The following CNTNAP2 variants were observed in gnomAD, a reference collection of about 807,000 sequenced individuals.
The protein encoded by CNTNAP2 is contactin associated protein 2.
A neutral mutation model predicts 155.2 loss-of-function variants in CNTNAP2; 98 were observed. The ratio of observed to expected loss-of-function variants is 0.63; its 90% CI spans 0.54 to 0.75. The LOEUF (loss-of-function observed/expected upper bound fraction) is 0.75, where lower values mean the gene tolerates loss of function less well. Among genes scored for constraint, CNTNAP2 ranks in the 30% least tolerant of loss-of-function variants. The probability of loss-of-function intolerance (pLI) is 0.00; values close to 1 mark genes in which losing one functional copy is unlikely to be tolerated. For missense variants in CNTNAP2, 1,727 were observed against 1,688.1 expected, an observed-to-expected ratio of 1.02 and a Z score of -0.40; for synonymous variants, 651 against 631.2, an observed-to-expected ratio of 1.03 and a Z score of -0.47.
chr7:146,128,320 A>G (rs1054140707), intron 1 of CNTNAP2, among the ~76,000 whole-genome samples: 1 of 152,196 alleles, frequency 6.6e-6, no homozygotes, highest in African/African-American at 2.4e-5. Context: ...TGTAATATTC[A>G]AAGTATAAGG....
chr7:147,061,896 A>T (rs1017893455), intron 4 of CNTNAP2, among the ~76,000 whole-genome samples: 1 of 152,040 alleles, frequency 6.6e-6, no homozygotes, highest in African/African-American at 2.4e-5. Flanking sequence ...GCACTTTGGG[A>T]GGTGGGCGGA....
At chr7:147,684,429 C>T (rs889207725) in intron 13 of CNTNAP2, among the ~76,000 whole-genome samples, 13 of 151,846 alleles carry the variant, frequency 8.6e-5, no homozygotes, top group Admixed American at 2.0e-4. Flanking sequence ...CAAATATAAA[C>T]ACCTCTTTAT....
At chr7:146,540,672 G>T (rs980102424) in intron 1 of CNTNAP2, among the ~76,000 whole-genome samples, 1 of 151,954 alleles carries the variant, frequency 6.6e-6, no homozygotes, top group African/African-American at 2.4e-5. Flanking sequence ...TTAGAAGCTG[G>T]CCATTACCAA....
At chr7:146,868,855 G>T (rs1395955355) in intron 3 of CNTNAP2, among the ~76,000 whole-genome samples, 1 of 150,134 alleles carries the variant, frequency 6.7e-6, no homozygotes, top group Non-Finnish European at 1.5e-5. Context: ...TAATTTTTGT[G>T]CATTGATTAT....
chr7:147,833,239 C>T (rs976289417), intron 13 of CNTNAP2, among the ~76,000 whole-genome samples: 16 of 151,428 alleles, frequency 1.1e-4, no homozygotes, highest in Admixed American at 5.9e-4. Context: ...TCTACAGAGG[C>T]ATGAAACAAT....
chr7:147,250,984 G>A (rs964881309), intron 8 of CNTNAP2, among the ~76,000 whole-genome samples: 3 of 152,054 alleles, frequency 2.0e-5, no homozygotes, highest in Admixed American at 1.3e-4. Flanking sequence ...TTTCTTTATA[G>A]AGCACCCTTG....
At chr7:147,239,769 A>G (rs1017424611) in intron 8 of CNTNAP2, among the ~76,000 whole-genome samples, 1 of 152,224 alleles carries the variant, frequency 6.6e-6, no homozygotes, top group Non-Finnish European at 1.5e-5. Flanking sequence ...ATGAATCTAC[A>G]ACATACCGTA....
chr7:147,791,252 CT>C (rs1797814027), intron 13 of CNTNAP2, among the ~76,000 whole-genome samples: 1 of 151,856 alleles, frequency 6.6e-6, no homozygotes, highest in Non-Finnish European at 1.5e-5. Flanking sequence ...GATTTTTTCC[CT>C]TCCATTTCTT....
intron 1 of CNTNAP2, among the ~76,000 whole-genome samples, chr7:146,231,528 A>G (rs1002364479): frequency 2.6e-5 from 4 of 152,220 alleles, no homozygotes; most frequent in Non-Finnish European, 5.9e-5. Context: ...TGAATGTAGA[A>G]TGAGCATAAA....
chr7:146,825,065 A>G (rs774416033), intron 2 of CNTNAP2, among the ~76,000 whole-genome samples: 16 of 152,038 alleles, frequency 1.1e-4, no homozygotes, highest in Non-Finnish European at 1.8e-4. Flanking sequence ...TACAAGGCTT[A>G]TCTGTCCTGT....
At chr7:147,323,646 C>T (rs1213800605) in intron 9 of CNTNAP2, among the ~76,000 whole-genome samples, 1 of 151,920 alleles carries the variant, frequency 6.6e-6, no homozygotes, top group Non-Finnish European at 1.5e-5. Flanking sequence ...GACTTTCTGT[C>T]TCGTTGATCT....
intron 3 of CNTNAP2, among the ~76,000 whole-genome samples, chr7:146,986,369 A>G (rs1798114695): frequency 6.6e-6 from 1 of 152,196 alleles, no homozygotes; most frequent in Non-Finnish European, 1.5e-5. Context: ...TCCATCATAT[A>G]TATGTACACC....
At chr7:147,784,244 G>T (rs974509039) in intron 13 of CNTNAP2, among the ~76,000 whole-genome samples, 1 of 151,162 alleles carries the variant, frequency 6.6e-6, no homozygotes, top group Non-Finnish European at 1.5e-5. Flanking sequence ...AGATATTTGG[G>T]ATTAGAACTT....
chr7:148,183,715 C>T (rs1380173209), intron 18 of CNTNAP2, among the ~76,000 whole-genome samples: 1 of 152,064 alleles, frequency 6.6e-6, no homozygotes. Flanking sequence ...CTCCTGGCAT[C>T]AGGGTATGCT....
At chr7:147,777,259 C>G (rs1200304065) in intron 13 of CNTNAP2, among the ~76,000 whole-genome samples, 1 of 152,060 alleles carries the variant, frequency 6.6e-6, no homozygotes, top group Non-Finnish European at 1.5e-5. Context: ...TCTTTAAGGA[C>G]AGCATATTAT....
At chr7:147,917,556 A>C (rs1167450030) in intron 14 of CNTNAP2, among the ~76,000 whole-genome samples, 2 of 152,172 alleles carry the variant, frequency 1.3e-5, no homozygotes, top group African/African-American at 4.8e-5. Flanking sequence ...TCCTTCCAAG[A>C]ATGACTTTAC....
chr7:146,396,713 ATATATGTG>A (rs1795633008), intron 1 of CNTNAP2, among the ~76,000 whole-genome samples: 1 of 150,676 alleles, frequency 6.6e-6, no homozygotes, highest in African/African-American at 2.4e-5. Context: ...ATATACATAT[ATATATGTG>A]TATATATATG....
intron 18 of CNTNAP2, among the ~76,000 whole-genome samples, chr7:148,186,841 A>G (rs1463191920): frequency 2.0e-5 from 3 of 152,164 alleles, no homozygotes; most frequent in Non-Finnish European, 4.4e-5. Context: ...ATGCTGACAC[A>G]CGGTCAGTGG....
chr7:148,015,772 T>C (rs1426999125), intron 15 of CNTNAP2, among the ~76,000 whole-genome samples: 1 of 152,182 alleles, frequency 6.6e-6, no homozygotes, highest in Non-Finnish European at 1.5e-5. Context: ...TGATTTTTTG[T>C]TTCAGGATTT....
Sources: gnomAD v4.1 joint callset for allele counts (sites outside exome capture counted in the v4.1 genomes callset) on GRCh38, gnomAD v4.1.1 for gene constraint, MANE v1.5 for transcripts, NCBI Gene and HGNC (gene_info 2026-07-23, HGNC 2026-07-21) for gene names.